Variants in ZFAND3 observed in about 807,000 individuals in gnomAD.
The protein encoded by ZFAND3 is zinc finger AN1-type containing 3.
Under a neutral mutation model 29.6 loss-of-function variants are expected in ZFAND3, and 10 were observed. The observed-to-expected ratio is 0.34, with a 90% CI of 0.21 to 0.57. The LOEUF (loss-of-function observed/expected upper bound fraction) is 0.57. ZFAND3 is among the 20% of genes least tolerant of loss of function. The probability of loss-of-function intolerance (pLI) is 0.86; values close to 1 mark genes in which losing one functional copy is unlikely to be tolerated. For missense variants in ZFAND3, 230 were observed against 304.5 expected (o/e 0.76, Z 1.82); for synonymous variants, 128 against 112.6 (o/e 1.14, Z -0.87).
chr6:38,131,112 G>A (rs1765733748), intron 5 of ZFAND3, among the ~76,000 whole-genome samples: 2 of 152,030 alleles, frequency 1.3e-5, no homozygotes, highest in Non-Finnish European at 2.9e-5. Flanking sequence ...GTTCATAGTA[G>A]CCTTGATTGA....
Position 37,985,499 on chromosome 6 carries a change from C to CCACACACACACACACACA in ZFAND3, c.112+55512_112+55529dup, listed in dbSNP as rs5875607. Among the ~76,000 whole-genome samples the CCACACACACACACACACA allele has an allele frequency of 2.7e-4, 38 of 141,700 alleles. No homozygotes were observed. In the East Asian group the frequency reaches 5.8e-3, roughly 21 times the overall value. The allele number at this position is 141,700 out of a possible 152,430, so 93.0% of individuals were successfully genotyped here. ...CGCCTGGTGGCACGTGCTTGTGGTT[C>CCACACACACACACACACA]CACACACACACACACACACACACAC... On this transcript the variant is annotated intron_variant, in intron 2 of 5. Coordinates refer to ENST00000287218, the MANE Select transcript of ZFAND3 (RefSeq NM_021943.3).
chr6:38,143,640 A>G (rs1766008269), intron 5 of ZFAND3, among the ~76,000 whole-genome samples: 1 of 152,206 alleles, frequency 6.6e-6, no homozygotes, highest in African/African-American at 2.4e-5. Flanking sequence ...CTAAATTGCA[A>G]GTTTTCCTTC....
At chr6:38,105,220 A>C (rs1010190964) in intron 4 of ZFAND3, among the ~76,000 whole-genome samples, 1 of 152,170 alleles carries the variant, frequency 6.6e-6, no homozygotes, top group Non-Finnish European at 1.5e-5. Context: ...TGTCATATCC[A>C]CCTTCCATGA....
At chr6:37,916,970 T>C (rs1289106478) in intron 1 of ZFAND3, among the ~76,000 whole-genome samples, 1 of 152,222 alleles carries the variant, frequency 6.6e-6, no homozygotes, top group African/African-American at 2.4e-5. Context: ...GTATCTGTCA[T>C]GGTATCTCAG....
chr6:38,090,693 T>G (rs1296792914), intron 4 of ZFAND3, among the ~76,000 whole-genome samples: 1 of 152,220 alleles, frequency 6.6e-6, no homozygotes, highest in Admixed American at 6.5e-5. Context: ...TTGCTTTCCC[T>G]TGGGTTTTTT....
At chr6:38,146,840 A>C (rs1041941831) in intron 5 of ZFAND3, among the ~76,000 whole-genome samples, 4 of 152,208 alleles carry the variant, frequency 2.6e-5, no homozygotes, top group African/African-American at 9.6e-5. Flanking sequence ...AAATCTGTTG[A>C]AATGTTTTTA....
At chr6:37,857,499 A>G (rs1394555466) in intron 1 of ZFAND3, among the ~76,000 whole-genome samples, 1 of 152,184 alleles carries the variant, frequency 6.6e-6, no homozygotes, top group Non-Finnish European at 1.5e-5. Context: ...TTCAAATACT[A>G]TTTAGCATGG....
intron 1 of ZFAND3, among the ~76,000 whole-genome samples, chr6:37,872,913 G>A (rs1221985173): frequency 6.6e-6 from 1 of 152,206 alleles, no homozygotes; most frequent in African/African-American, 2.4e-5. Flanking sequence ...GTTGGCTAAT[G>A]TGGCAGAACT....
At chr6:37,995,250 T>C (rs776999431) in intron 2 of ZFAND3, among the ~76,000 whole-genome samples, 3 of 152,194 alleles carry the variant, frequency 2.0e-5, no homozygotes, top group Non-Finnish European at 4.4e-5. Context: ...TTAACCTCTT[T>C]CTTAAAATAA....
At position 37,840,749 on chromosome 6, in the gene ZFAND3, A is replaced by T. The variant is rs1287209733; in HGVS notation, c.71+20733A>T. 2.6e-5 allele frequency among the ~76,000 whole-genome samples: 4 copies of T among 152,290 alleles called. No homozygotes were observed. The South Asian group carries it at 8.3e-4, about 32-fold the overall frequency. On this transcript the variant is annotated intron_variant, in intron 1 of 5. Transcript: ENST00000287218. ...TCATTTATCTGTCTTCAGTTCTTTC[A>T]ACAACATTTTGTAGTTTTCACTGTA...
chr6:38,150,979 A>G (rs7748392), intron 5 of ZFAND3, among the ~76,000 whole-genome samples: 17,970 of 152,172 alleles, frequency 0.12, 1,309 homozygotes, highest in East Asian at 0.29. Context: ...TGAGAAGGTG[A>G]TGAGGAGCCA....
chr6:37,850,431 A>G (rs1764260317), intron 1 of ZFAND3, among the ~76,000 whole-genome samples: 1 of 152,222 alleles, frequency 6.6e-6, no homozygotes, highest in Non-Finnish European at 1.5e-5. Context: ...TGTATCCTGC[A>G]TGAGGATGAC....
At chr6:37,865,309 G>A (rs1349257026) in intron 1 of ZFAND3, among the ~76,000 whole-genome samples, 1 of 152,126 alleles carries the variant, frequency 6.6e-6, no homozygotes, top group Non-Finnish European at 1.5e-5. Context: ...TTGTTGTATT[G>A]TTTTGTTTAG....
At chr6:37,955,060 C>G (rs1450911486) in intron 2 of ZFAND3, among the ~76,000 whole-genome samples, 1 of 152,040 alleles carries the variant, frequency 6.6e-6, no homozygotes, top group African/African-American at 2.4e-5. Flanking sequence ...TGTAGGTCTC[C>G]TGTGTTCTGT....
chr6:38,084,412 GA>G (rs1311543374), intron 4 of ZFAND3, among the ~76,000 whole-genome samples: 2 of 152,024 alleles, frequency 1.3e-5, no homozygotes, highest in African/African-American at 4.8e-5. Flanking sequence ...TTTGGTGTAA[GA>G]AAAAAATAAT....
chr6:37,837,131 A>G (rs1763982251), intron 1 of ZFAND3, among the ~76,000 whole-genome samples: 1 of 152,190 alleles, frequency 6.6e-6, no homozygotes, highest in Non-Finnish European at 1.5e-5. Context: ...GAGATAATGA[A>G]ATATATTTCT....
intron 2 of ZFAND3, among the ~76,000 whole-genome samples, chr6:38,042,163 T>G (rs887231739): frequency 6.6e-6 from 1 of 151,858 alleles, no homozygotes; most frequent in Non-Finnish European, 1.5e-5. Context: ...TGTTTTGTTT[T>G]CCTTAAAATG....
At chr6:37,962,994 C>G (rs1367242581) in intron 2 of ZFAND3, among the ~76,000 whole-genome samples, 1 of 152,108 alleles carries the variant, frequency 6.6e-6, no homozygotes, top group Non-Finnish European at 1.5e-5. Flanking sequence ...CTGCAAAGGT[C>G]TGCGGCTTCA....
intron 2 of ZFAND3, among the ~76,000 whole-genome samples, chr6:37,951,808 T>C (rs1034501982): frequency 6.6e-6 from 1 of 152,164 alleles, no homozygotes; most frequent in Non-Finnish European, 1.5e-5. Flanking sequence ...TTTGCCTGTT[T>C]AGTATGATGT....
Sources: gnomAD v4.1 joint callset for allele counts (sites outside exome capture counted in the v4.1 genomes callset) on GRCh38, gnomAD v4.1.1 for gene constraint, MANE v1.5 for transcripts, NCBI Gene and HGNC (gene_info 2026-07-23, HGNC 2026-07-21) for gene names.